Variants in MPRIP observed in about 807,000 individuals in gnomAD.
MPRIP encodes the protein myosin phosphatase Rho interacting protein.
A neutral mutation model predicts 234.9 loss-of-function variants in MPRIP; 59 were observed. The observed-to-expected ratio is 0.25, with a 90% CI of 0.20 to 0.31. The LOEUF (loss-of-function observed/expected upper bound fraction) is 0.31. MPRIP is among the 10% of genes least tolerant of loss of function. The probability of loss-of-function intolerance (pLI) is 1.00; values close to 1 mark genes in which losing one functional copy is unlikely to be tolerated. For synonymous variants in MPRIP, 1,144 were observed against 1,263.9 expected, an observed-to-expected ratio of 0.91 and a Z score of 2.01; for missense variants, 2,436 against 3,071.0, an observed-to-expected ratio of 0.79 and a Z score of 4.89.
In MPRIP at chr17:17,158,932, T is replaced by C; in HGVS notation, c.2330T>C (p.Val777Ala). Reference protein sequence around the residue: ...REEKQVPIAPVHLSSEDGGDR... With the variant: ...REEKQVPIAPAHLSSEDGGDR... ...GAGAAGCAGGTGCCCATCGCCCCCG[T>C]CCACCTGTCTTCTGAAGATGGGGGT... Residue 777 changes from valine to alanine, a missense_variant, in exon 14 of 24, where the codon GTC (valine) becomes GCC (alanine). Physicochemically the swap from Val to Ala is moderately conservative, Grantham distance 64 (BLOSUM62 0). This residue lies in a region of MPRIP where 1,998 missense variants were observed against 2,520.3 expected (regional missense o/e 0.79). Coordinates refer to ENST00000651222, the MANE Select transcript of MPRIP (RefSeq NM_001364716.4). 1.2e-6 allele frequency: 2 copies of C among 1,612,812 alleles called. No homozygotes were observed. The highest frequency in any genetic ancestry group is 1.7e-6 in the Non-Finnish European group (2 of 1,179,976).
chr17:17,184,898 T>G lies in MPRIP; in HGVS notation c.*4T>G, dbSNP rs536091935. 1.2e-6 allele frequency: 2 copies of G among 1,608,418 alleles called. No individual in the cohort carries two copies. Among genetic ancestry groups the G allele is most frequent in the East Asian group, 4.5e-5 (2 of 44,844 alleles). On this transcript the variant is annotated 3_prime_UTR_variant, in exon 24 of 24. Transcript: ENST00000651222. The stretch of plus-strand genomic sequence containing the variant: ...CAGGGACTTGAAGAAAGACTAGGTG[T>G]GTCCCATCCAAGTTGAGCACGCGCC...
intron 3 of MPRIP, among the ~76,000 whole-genome samples, chr17:17,085,745 T>C (rs576585494): frequency 6.6e-6 from 1 of 152,132 alleles, no homozygotes; most frequent in Non-Finnish European, 1.5e-5. Flanking sequence ...ACCCCATCTC[T>C]ACTAAAAATA....
At chr17:17,113,042 C>G (rs973860600) in intron 3 of MPRIP, among the ~76,000 whole-genome samples, 2 of 152,192 alleles carry the variant, frequency 1.3e-5, no homozygotes, top group African/African-American at 4.8e-5. Context: ...GGGAGCTGTC[C>G]ACTTGGGGAC....
chr17:17,139,461 G>C (rs78584867), intron 7 of MPRIP, among the ~76,000 whole-genome samples: 14 of 152,294 alleles, frequency 9.2e-5, no homozygotes, highest in African/African-American at 3.4e-4. Context: ...TTTTCATTAG[G>C]TTCCCAAGGT....
intron 12 of MPRIP, 145 bp downstream of exon 12, chr17:17,150,378 A>G: frequency 1.6e-6 from 1 of 609,822 alleles, no homozygotes; most frequent in Non-Finnish European, 2.9e-6. Flanking sequence ...TACCCTTGAC[A>G]CCTCTGTCCT....
Position 17,164,943 on chromosome 17 carries a change from A to T in MPRIP, c.3352A>T (p.Thr1118Ser), listed in dbSNP as rs996454957. ...DLLRQRFQELTERVATSDEDV... is the reference protein window; with the variant it reads ...DLLRQRFQELSERVATSDEDV... ...CCTCAGACAGCGGTTCCAGGAGCTG[A>T]CAGAGCGCGTGGCCACGTCCGACGA... Residue 1118 changes from threonine (T) to serine (S), a missense_variant, in exon 16 of 24, where the codon ACA becomes TCA. Physicochemically the swap from Thr to Ser is moderately conservative, Grantham distance 58 (BLOSUM62 1). Coordinates refer to ENST00000651222, the MANE Select transcript of MPRIP (RefSeq NM_001364716.4). 1.0e-4 allele frequency: 130 copies of T among 1,303,828 alleles called. No homozygotes were observed. The Admixed American group carries it at 2.9e-3, about 29-fold the overall frequency. The allele number at this position is 1,303,828 out of a possible 1,614,324, so 80.8% of individuals were successfully genotyped here. A position where few individuals can be genotyped will look rare whatever the true frequency, so the allele number is the denominator to read the frequency against.
At chr17:17,171,652 A>G (rs997307332) in intron 16 of MPRIP, 66 bp from the exon 17 acceptor site, 3 of 1,566,582 alleles carry the variant, frequency 1.9e-6, no homozygotes, top group Non-Finnish European at 2.6e-6. Context: ...TGGCTCCTTT[A>G]TTTAAAAGGG....
At chr17:17,126,880 G>A (rs2090500743) in intron 4 of MPRIP, 27 bp downstream of exon 4, 1 of 1,604,560 alleles carries the variant, frequency 6.2e-7, no homozygotes, top group African/African-American at 1.3e-5. Flanking sequence ...TGTGGAACAA[G>A]GCACCACCAC....
rs752399332 is a variant in MPRIP at position 17,176,502 on chromosome 17, C to T, written c.6947C>T (p.Thr2316Met). The T allele has an allele frequency of 1.9e-6, 3 of 1,613,770 alleles. No homozygotes were observed. The highest frequency in any genetic ancestry group is 2.5e-6 in the Non-Finnish European group (3 of 1,179,728). The change falls in exon 21 of 24, where the codon ACG becomes ATG. Residue 2316 changes from threonine to methionine, a missense_variant. Physicochemically the swap from Thr to Met is moderately conservative, Grantham distance 81. Around this residue, in one of 4 missense-constraint regions of MPRIP, gnomAD observed 1,998 missense variants for 2,520.3 expected, o/e 0.79. Coordinates refer to ENST00000651222, the MANE Select transcript of MPRIP (RefSeq NM_001364716.4). The part of the protein sequence containing the change: ...EISSLKDELQ[T>M]ALRDKKYASD... ...AGCTCCCTCAAGGATGAGCTGCAGACGGCACTGCGGGTAAGGCCACCGCAC... is the reference window on the plus strand; with the variant it reads ...AGCTCCCTCAAGGATGAGCTGCAGATGGCACTGCGGGTAAGGCCACCGCAC...
At chr17:17,161,177 C>G (rs2045856641) in intron 14 of MPRIP, 63 bp from the exon 15 acceptor site, 4 of 1,179,504 alleles carry the variant, frequency 3.4e-6, no homozygotes, top group South Asian at 2.8e-5. Flanking sequence ...AGAGTCTGTG[C>G]TGTGCAGCTG....
chr17:17,152,105 G>C (rs1164750242), intron 12 of MPRIP, among the ~76,000 whole-genome samples: 1 of 152,276 alleles, frequency 6.6e-6, no homozygotes, highest in Non-Finnish European at 1.5e-5. Flanking sequence ...TGGGCTGCTG[G>C]CTGTGGCTTC....
In MPRIP at chr17:17,164,635, A is replaced by G. The variant is rs1181551257; in HGVS notation, c.3044A>G (p.Glu1015Gly). ...AGTGAGCAGGCGCAGCGGCTGATGGAGGAGAAGCTGCAGAGAAACTATGAG... is the reference window on the plus strand; with the variant it reads ...AGTGAGCAGGCGCAGCGGCTGATGGGGGAGAAGCTGCAGAGAAACTATGAG... ...GASEQAQRLMEEKLQRNYELL... is the reference protein window; with the variant it reads ...GASEQAQRLMGEKLQRNYELL... The change falls in exon 16 of 24, where the codon GAG (glutamate) becomes GGG (glycine). Residue 1015 changes from glutamate to glycine, a missense_variant. Transcript: ENST00000651222. 8.2e-6 allele frequency: 10 copies of G among 1,225,262 alleles called. No individual in the cohort carries two copies. Among genetic ancestry groups the G allele is most frequent in the African/African-American group, 1.6e-5 (1 of 62,882 alleles). 75.9% of individuals were successfully genotyped at this position (1,225,262 alleles called of 1,614,324 possible). A position where few individuals can be genotyped will look rare whatever the true frequency, so the allele number is the denominator to read the frequency against.
chr17:17,132,594 A>T (rs1446308012), intron 5 of MPRIP, among the ~76,000 whole-genome samples: 1 of 152,208 alleles, frequency 6.6e-6, no homozygotes. Context: ...TACAGAGGTC[A>T]GGGAGCATGC....
intron 1 of MPRIP, among the ~76,000 whole-genome samples, chr17:17,051,712 T>C (rs2088546731): frequency 6.6e-6 from 1 of 152,248 alleles, no homozygotes; most frequent in Admixed American, 6.5e-5. Context: ...GTCACTTCCG[T>C]TGGGGGCAAG....
intron 1 of MPRIP, among the ~76,000 whole-genome samples, chr17:17,058,808 T>A (rs2088785111): frequency 6.6e-6 from 1 of 152,030 alleles, no homozygotes; most frequent in African/African-American, 2.4e-5. Context: ...GACTCTTGAG[T>A]AGAAACCAGG....
At chr17:17,170,224 A>G (rs1477705165) in intron 16 of MPRIP, 1 of 151,024 alleles carries the variant, frequency 6.6e-6, no homozygotes, top group African/African-American at 2.4e-5. Flanking sequence ...AAAAAGACCT[A>G]TTAGTTAAAT....
In MPRIP at chr17:17,094,851, A is replaced by G. The variant is rs150261308; in HGVS notation, c.267+16775A>G. On this transcript the variant is annotated intron_variant, in intron 3 of 23. Transcript: ENST00000651222. Reference sequence around the variant, plus strand: ...AGCCTCAAGCTCCTGGACTCAAGCAATCTGCCCACCTTGGCCTCCCAAAGT... The same window carrying G: ...AGCCTCAAGCTCCTGGACTCAAGCAGTCTGCCCACCTTGGCCTCCCAAAGT... 4.2e-3 allele frequency among the ~76,000 whole-genome samples: 639 copies of G among 152,116 alleles called. 3 individuals carry two copies. The highest frequency in any genetic ancestry group is 0.015 in the African/African-American group (608 of 41,490).
At chr17:17,107,232 G>A (rs1387637731) in intron 3 of MPRIP, among the ~76,000 whole-genome samples, 1 of 152,224 alleles carries the variant, frequency 6.6e-6, no homozygotes, top group Non-Finnish European at 1.5e-5. Context: ...TCAGTTCTGA[G>A]AACACCAGAG....
intron 11 of MPRIP, among the ~76,000 whole-genome samples, chr17:17,148,415 G>A (rs528299925): frequency 4.3e-4 from 66 of 152,300 alleles, no homozygotes; most frequent in Non-Finnish European, 5.0e-4. Context: ...AAAGCAATGG[G>A]AGGTAAAGCC....
Sources: allele counts gnomAD v4.1 joint callset (sites outside exome capture counted in the v4.1 genomes callset), GRCh38; gene constraint gnomAD v4.1.1; regional missense constraint gnomAD v4.1.1; transcripts MANE v1.5; gene names NCBI Gene and HGNC (gene_info 2026-07-23, HGNC 2026-07-21).